The following TTC19 variants were observed in gnomAD, a reference collection of about 807,000 sequenced individuals.
TTC19 encodes the protein tetratricopeptide repeat protein 19, mitochondrial.
A neutral mutation model predicts 49.5 loss-of-function variants in TTC19; 38 were observed. That is an observed-to-expected ratio of 0.77 (90% CI 0.59 to 1.01). The LOEUF is 1.01. Among genes scored for constraint, TTC19 ranks in the 50% least tolerant of loss-of-function variants. The probability of loss-of-function intolerance (pLI) is 0.00; values close to 1 mark genes in which losing one functional copy is unlikely to be tolerated. For missense variants in TTC19, 475 were observed against 477.7 expected, an observed-to-expected ratio of 0.99 and a Z score of 0.05; for synonymous variants, 204 against 185.2, an observed-to-expected ratio of 1.10 and a Z score of -0.83.
chr17:16,018,511 G>GT (rs564605469), intron 7 of TTC19, among the ~76,000 whole-genome samples: 2 of 151,966 alleles, frequency 1.3e-5, no homozygotes, highest in African/African-American at 2.4e-5. Context: ...CTTTTGATTT[G>GT]TTTTTTGTTT....
At chr17:16,026,269 A>G (rs1278179143) in intron 8 of TTC19, among the ~76,000 whole-genome samples, 2 of 152,196 alleles carry the variant, frequency 1.3e-5, no homozygotes, top group African/African-American at 4.8e-5. Context: ...TGGTGCTTCT[A>G]ACTGGGTAAT....
intron 7 of TTC19, among the ~76,000 whole-genome samples, chr17:16,016,348 C>G (rs188695326): frequency 2.0e-5 from 3 of 152,162 alleles, no homozygotes; most frequent in African/African-American, 7.2e-5. Flanking sequence ...CCATTGTGTT[C>G]AGAGAACAAC....
chr17:16,034,352 T>TG (rs1372258295), downstream of TTC19, among the ~76,000 whole-genome samples: 1 of 152,106 alleles, frequency 6.6e-6, no homozygotes, highest in African/African-American at 2.4e-5. Context: ...TAACACTTTG[T>TG]GAGGCCAAGG....
intron 2 of TTC19, among the ~76,000 whole-genome samples, chr17:16,035,827 T>G (rs1274755658): frequency 6.6e-6 from 1 of 151,974 alleles, no homozygotes; most frequent in East Asian, 1.9e-4. Context: ...CAGGCATGAG[T>G]CATCATACCC....
At chr17:16,002,893 T>C (rs2151646495) in intron 4 of TTC19, 62 bp downstream of exon 4, 1 of 1,467,318 alleles carries the variant, frequency 6.8e-7, no homozygotes, top group Non-Finnish European at 9.6e-7. Flanking sequence ...GGAACTGTAA[T>C]AGTAAGAGTA....
chr17:16,031,520 G>A (rs566212236), downstream of TTC19: 9 of 209,514 alleles, frequency 4.3e-5, no homozygotes, highest in East Asian at 6.5e-4. Flanking sequence ...TAACAGTGAG[G>A]TATGCCTCAA....
intron 7 of TTC19, among the ~76,000 whole-genome samples, chr17:16,021,822 C>T (rs1349167469): frequency 6.6e-6 from 1 of 152,130 alleles, no homozygotes; most frequent in African/African-American, 2.4e-5. Context: ...GTTTACTAAT[C>T]TTGGATTATA....
rs1037622955 is a variant in TTC19 at position 16,029,115 on chromosome 17, G to A, written c.*1593G>A. On this transcript the variant is annotated 3_prime_UTR_variant, in exon 10 of 10. Transcript: ENST00000261647. ...GTCAACCACTCACCTTTTGCATTGAGAATGTTTTTACCTTTTCACAACTGC... is the reference window on the plus strand; with the variant it reads ...GTCAACCACTCACCTTTTGCATTGAAAATGTTTTTACCTTTTCACAACTGC... The A allele has an allele frequency of 1.1e-5, 5 of 445,812 alleles. No individual in the cohort carries two copies. Among genetic ancestry groups the A allele is most frequent in the Non-Finnish European group, 2.2e-5 (5 of 222,896 alleles). The allele number at this position is 445,812 out of a possible 1,614,324, so 27.6% of individuals were successfully genotyped here. A position where few individuals can be genotyped will look rare whatever the true frequency, so the allele number is the denominator to read the frequency against.
chr17:16,007,002 A>G (rs1049019061), intron 7 of TTC19, among the ~76,000 whole-genome samples: 1 of 152,226 alleles, frequency 6.6e-6, no homozygotes, highest in Non-Finnish European at 1.5e-5. Context: ...GAGGCTAGGA[A>G]TAGAACTGGA....
rs755784013 is a variant in TTC19 at position 16,034,979 on chromosome 17, T to G, written c.247+8277T>G. 8.8e-6 allele frequency: 14 copies of G among 1,592,310 alleles called. No homozygotes were observed. The African/African-American group carries it at 1.8e-4, about 20-fold the overall frequency. The stretch of plus-strand genomic sequence containing the variant: ...AAATTCAAGTTAAAGTATTAATATA[T>G]TAAGTTCTCAAAAATTACCAAAATG... On this transcript the variant is annotated intron_variant, in intron 2 of 2. Coordinates refer to the TTC19 transcript ENST00000470649.
At chr17:16,014,394 T>C (rs1407306819) in intron 7 of TTC19, among the ~76,000 whole-genome samples, 1 of 152,232 alleles carries the variant, frequency 6.6e-6, no homozygotes, top group Non-Finnish European at 1.5e-5. Context: ...AAGATCTTTG[T>C]AATAGTGAGC....
At chr17:16,003,481 C>T (rs2151647542) in intron 4 of TTC19, among the ~76,000 whole-genome samples, 1 of 151,666 alleles carries the variant, frequency 6.6e-6, no homozygotes, top group South Asian at 2.1e-4. Flanking sequence ...CACCATATTT[C>T]CCAGGCTAAA....
At chr17:16,039,012 G>A (rs902765835) in intron 2 of TTC19, among the ~76,000 whole-genome samples, 21 of 152,086 alleles carry the variant, frequency 1.4e-4, no homozygotes, top group African/African-American at 5.1e-4. Context: ...CTTGTGATCC[G>A]CCCGCCTCCG....
chr17:16,025,770 G>A lies in TTC19; in HGVS notation c.831+599G>A, dbSNP rs1971534734. On this transcript the variant is annotated intron_variant, in intron 8 of 9. Transcript: ENST00000261647. ...GCTTTGTCTATGAATGCTTGCTACT[G>A]CCAATATAAGACATAACAATTTTAA... Among the ~76,000 whole-genome samples, 6 of 152,316 alleles carry A rather than the reference G, an allele frequency of 3.9e-5. No homozygotes were observed. In the South Asian group the frequency reaches 1.0e-3, roughly 26 times the overall value.
downstream of TTC19, chr17:16,031,889 A>C (rs959172768): frequency 8.5e-6 from 2 of 236,280 alleles, no homozygotes; most frequent in African/African-American, 2.2e-5. Flanking sequence ...AATCACCCCC[A>C]AAGTTGATGC....
chr17:16,023,773 G>A (rs899481960), intron 7 of TTC19: 1 of 152,290 alleles, frequency 6.6e-6, no homozygotes, highest in South Asian at 2.1e-4. Flanking sequence ...AATTAGGTAA[G>A]CGATATAGAA....
chr17:16,024,693 T>C (rs1971494800), intron 7 of TTC19: 2 of 353,636 alleles, frequency 5.7e-6, no homozygotes, highest in Admixed American at 8.8e-5. Flanking sequence ...GTTTTTCTTA[T>C]ACCATACAGG....
downstream of TTC19, among the ~76,000 whole-genome samples, chr17:16,034,093 G>C (rs1246862740): frequency 6.6e-6 from 1 of 152,014 alleles, no homozygotes; most frequent in Non-Finnish European, 1.5e-5. Context: ...GAAAGGTGAA[G>C]TACTCTTAGA....
downstream of TTC19, chr17:16,032,500 TAG>T (rs1567605005): frequency 6.4e-7 from 1 of 1,561,452 alleles, no homozygotes; most frequent in Non-Finnish European, 8.6e-7. Flanking sequence ...AAAGAAAAAT[TAG>T]GTTTTCATTG....
Sources: gnomAD v4.1 joint callset for allele counts (sites outside exome capture counted in the v4.1 genomes callset) on GRCh38, gnomAD v4.1.1 for gene constraint, MANE v1.5 for transcripts, NCBI Gene and HGNC (gene_info 2026-07-23, HGNC 2026-07-21) for gene names.